The following CCSER1 variants were observed in gnomAD, a reference collection of about 807,000 sequenced individuals.
CCSER1 encodes coiled-coil serine rich protein 1.
Under a neutral mutation model 82.0 loss-of-function variants are expected in CCSER1, and 41 were observed. The ratio of observed to expected loss-of-function variants is 0.50; its 90% CI spans 0.39 to 0.65. The LOEUF is 0.65. Among genes scored for constraint, CCSER1 ranks in the 30% least tolerant of loss-of-function variants. The pLI is 0.00. For synonymous variants in CCSER1, 414 were observed against 383.9 expected, an observed-to-expected ratio of 1.08 and a Z score of -0.92; for missense variants, 1,119 against 1,064.2, an observed-to-expected ratio of 1.05 and a Z score of -0.72.
chr4:90,578,131 G>C (rs1780974493), intron 5 of CCSER1, among the ~76,000 whole-genome samples: 1 of 152,106 alleles, frequency 6.6e-6, no homozygotes, highest in Middle Eastern at 3.2e-3. Flanking sequence ...TGATTACTTT[G>C]AGGATTTTTA....
intron 8 of CCSER1, chr4:90,911,350 C>T (rs757255108): frequency 2.2e-5 from 10 of 456,084 alleles, no homozygotes; most frequent in South Asian, 1.4e-4. Flanking sequence ...TGCATGCCCC[C>T]ATTAAAGGTG....
chr4:90,766,177 G>A (rs1237503582), intron 7 of CCSER1, among the ~76,000 whole-genome samples: 1 of 152,120 alleles, frequency 6.6e-6, no homozygotes, highest in Middle Eastern at 3.2e-3. Context: ...AAAGCAATCA[G>A]TGCCTATCAA....
chr4:91,526,340 T>G (rs1436685670), intron 10 of CCSER1, among the ~76,000 whole-genome samples: 3 of 152,160 alleles, frequency 2.0e-5, no homozygotes, highest in Non-Finnish European at 4.4e-5. Flanking sequence ...GCCCCCTACT[T>G]CAAGTCATTC....
intron 9 of CCSER1, among the ~76,000 whole-genome samples, chr4:91,018,987 G>T (rs999784125): frequency 6.6e-6 from 1 of 151,896 alleles, no homozygotes; most frequent in African/African-American, 2.4e-5. Flanking sequence ...CTGTATGAGA[G>T]GACAGATCAA....
rs74574376 is a variant in CCSER1, at chr4:90,921,898, C to T, written c.2095-1472C>T. 4.1e-3 allele frequency among the ~76,000 whole-genome samples: 619 copies of T among 152,110 alleles called. 3 individuals carry two copies. Among genetic ancestry groups the T allele is most frequent in the Non-Finnish European group, 8.2e-3 (554 of 67,910 alleles). On this transcript the variant is annotated intron_variant, in intron 8 of 10. Coordinates refer to ENST00000509176, the MANE Select transcript of CCSER1 (RefSeq NM_001145065.2). ...ATGGACAATGTTATTGCTCCTTTAC[C>T]TATTACTACCTCTCCCTGTTCTTTT...
At chr4:90,305,331 A>G (rs1180950973) in intron 1 of CCSER1, among the ~76,000 whole-genome samples, 1 of 152,214 alleles carries the variant, frequency 6.6e-6, no homozygotes, top group Non-Finnish European at 1.5e-5. Flanking sequence ...CTTGACATTC[A>G]TGCATTGAAG....
chr4:91,245,405 A>G (rs1234103037), intron 10 of CCSER1, among the ~76,000 whole-genome samples: 3 of 152,128 alleles, frequency 2.0e-5, no homozygotes, highest in Non-Finnish European at 4.4e-5. Context: ...GCAAGAGAAA[A>G]TAAACAAATA....
chr4:91,130,961 A>C (rs929742965), intron 10 of CCSER1, among the ~76,000 whole-genome samples: 1 of 151,780 alleles, frequency 6.6e-6, no homozygotes, highest in Non-Finnish European at 1.5e-5. Context: ...CAGCTATAGG[A>C]GTTCACATAC....
In CCSER1 at chr4:90,278,994, G is replaced by A. The variant is rs577007436; in HGVS notation, c.-41-29250G>A. Among the ~76,000 whole-genome samples, 4 of 152,108 alleles carry A rather than the reference G, an allele frequency of 2.6e-5. No homozygotes were observed. In the South Asian group the frequency reaches 8.3e-4, roughly 32 times the overall value. On this transcript the variant is annotated intron_variant, in intron 1 of 10. Coordinates refer to ENST00000509176, the MANE Select transcript of CCSER1 (RefSeq NM_001145065.2). ...TACCTGGGAAAGTCCAGGTTATGGT[G>A]GAAAATACATAGCATATAAGCTGCC... is the stretch of plus-strand genomic sequence containing the variant.
intron 1 of CCSER1, among the ~76,000 whole-genome samples, chr4:90,175,107 G>A (rs539421627): frequency 1.1e-4 from 16 of 152,074 alleles, no homozygotes; most frequent in African/African-American, 3.9e-4. Context: ...AACAAACCGA[G>A]TGCCCATCAA....
intron 10 of CCSER1, among the ~76,000 whole-genome samples, chr4:91,205,169 T>C (rs1258267959): frequency 6.6e-6 from 1 of 151,844 alleles, no homozygotes; most frequent in East Asian, 1.9e-4. Flanking sequence ...TGAGATATTC[T>C]GAATATACTT....
intron 9 of CCSER1, among the ~76,000 whole-genome samples, chr4:90,960,660 G>T (rs1045976368): frequency 6.6e-6 from 1 of 152,094 alleles, no homozygotes; most frequent in African/African-American, 2.4e-5. Flanking sequence ...TTCATTTTCG[G>T]TATGAAAGCT....
At chr4:90,750,198 T>C (rs541518780) in intron 7 of CCSER1, among the ~76,000 whole-genome samples, 39 of 152,208 alleles carry the variant, frequency 2.6e-4, no homozygotes, top group Admixed American at 7.2e-4. Flanking sequence ...ATTAGCCCTT[T>C]GTCAGATGAG....
chr4:90,389,859 G>A (rs560812010), intron 3 of CCSER1, among the ~76,000 whole-genome samples: 40 of 152,088 alleles, frequency 2.6e-4, no homozygotes, highest in Admixed American at 9.8e-4. Flanking sequence ...ATGCAGTCTT[G>A]CTATGTTGCC....
intron 5 of CCSER1, among the ~76,000 whole-genome samples, chr4:90,535,311 A>G (rs1775177881): frequency 6.6e-6 from 1 of 152,144 alleles, no homozygotes; most frequent in Non-Finnish European, 1.5e-5. Flanking sequence ...TGGGCTGAGC[A>G]CAGTGGTTCA....
intron 10 of CCSER1, among the ~76,000 whole-genome samples, chr4:91,331,998 G>C (rs1368451439): frequency 6.6e-6 from 1 of 152,052 alleles, no homozygotes; most frequent in Non-Finnish European, 1.5e-5. Flanking sequence ...TCAGCAATTT[G>C]ATGTCAATAT....
chr4:91,557,972 G>T (rs566894222), intron 10 of CCSER1, among the ~76,000 whole-genome samples: 4 of 150,996 alleles, frequency 2.6e-5, no homozygotes, highest in East Asian at 1.9e-4. Flanking sequence ...CACAAAAAAA[G>T]ATATTAATGG....
At chr4:91,533,861 G>A (rs1178004932) in intron 10 of CCSER1, among the ~76,000 whole-genome samples, 1 of 151,822 alleles carries the variant, frequency 6.6e-6, no homozygotes, top group Non-Finnish European at 1.5e-5. Context: ...TGTTTTTACT[G>A]TAACATTGAA....
intron 10 of CCSER1, among the ~76,000 whole-genome samples, chr4:91,187,622 G>C (rs1052646256): frequency 2.6e-5 from 4 of 151,906 alleles, no homozygotes; most frequent in Non-Finnish European, 5.9e-5. Flanking sequence ...TGCGATCTCG[G>C]CTCACTGCAA....
Sources: allele counts gnomAD v4.1 joint callset (sites outside exome capture counted in the v4.1 genomes callset), GRCh38; gene constraint gnomAD v4.1.1; transcripts MANE v1.5; gene names NCBI Gene and HGNC (gene_info 2026-07-23, HGNC 2026-07-21).